CLTC: variants seen among roughly 807,000 people sequenced by gnomAD.
The protein encoded by CLTC is clathrin heavy chain 1.
In CLTC, 16 loss-of-function variants were observed where a neutral mutation model predicts 195.8. That is an observed-to-expected ratio of 0.08 (90% CI 0.06 to 0.12). CLTC has a LOEUF of 0.12. CLTC is among the 10% of genes least tolerant of loss of function. CLTC has a pLI of 1.00. For synonymous variants in CLTC, 667 were observed against 689.4 expected, an observed-to-expected ratio of 0.97 and a Z score of 0.51; for missense variants, 796 against 2,027.0, an observed-to-expected ratio of 0.39 and a Z score of 11.66.
intron 5 of CLTC, among the ~76,000 whole-genome samples, chr17:59,654,894 C>A (rs1482754417): frequency 6.6e-6 from 1 of 152,138 alleles, no homozygotes; most frequent in Non-Finnish European, 1.5e-5. Context: ...ATGGCAAGTA[C>A]CTAGAGTTTG....
Position 59,668,956 on chromosome 17 carries a change from T to A in CLTC, c.2292+16T>A. 1 of 1,598,744 alleles carries A rather than the reference T, an allele frequency of 6.3e-7. No homozygotes were observed. The highest frequency in any genetic ancestry group is 1.1e-5 in the South Asian group (1 of 88,806). On this transcript the variant is annotated intron_variant, in intron 14 of 31. Transcript: ENST00000269122. ...TTTTCTTAAGGTAAGTGGTTTTGAG[T>A]AATGTGTTTTCTGGTTGGATTCCAG... is the stretch of plus-strand genomic sequence containing the variant.
intron 30 of CLTC, chr17:59,690,368 T>A (rs2033270030): frequency 3.0e-6 from 1 of 331,854 alleles, no homozygotes; most frequent in African/African-American, 2.1e-5. Context: ...TCCCTCAGGC[T>A]GCATCCTAGC....
rs5821272 is a variant in CLTC at position 59,624,454 on chromosome 17, C to CTTTTTT, written c.42+4301_42+4306dup. Among the ~76,000 whole-genome samples, 62 of 98,132 alleles carry CTTTTTT rather than the reference C, an allele frequency of 6.3e-4. 1 individual carries two copies. In the East Asian group the frequency reaches 8.2e-3, roughly 13 times the overall value. The allele number at this position is 98,132 out of a possible 152,430, so 64.4% of individuals were successfully genotyped here. A position where few individuals can be genotyped will look rare whatever the true frequency, so the allele number is the denominator to read the frequency against. On this transcript the variant is annotated intron_variant, in intron 1 of 31. Transcript: ENST00000269122. ...ATAGAAAAATAATATGAGCCACATA[C>CTTTTTT]TTTTTTTTTTTTTTTTTTTTTTTTT...
At chr17:59,689,160 G>A (rs1380291467) in intron 30 of CLTC, 1 of 152,158 alleles carries the variant, frequency 6.6e-6, no homozygotes, top group East Asian at 1.9e-4. Context: ...ATCTTCCTAG[G>A]CTAGAAATTA....
chr17:59,694,523 T>C lies in CLTC; in HGVS notation c.*671T>C. 4.4e-6 allele frequency: 1 copy of C among 227,218 alleles called. No homozygotes were observed. Among genetic ancestry groups the C allele is most frequent in the East Asian group, 6.4e-5 (1 of 15,648 alleles). 14.1% of individuals were successfully genotyped at this position (227,218 alleles called of 1,614,324 possible). On this transcript the variant is annotated 3_prime_UTR_variant, in exon 32 of 32. Transcript: ENST00000269122. ...ACTTCATATGTAACAGGTGCCCTTA[T>C]GTTGTGCTGTATCCTGTGCTTTTTC...
Position 59,644,309 on chromosome 17 carries a change from G to A in CLTC, c.76G>A (p.Gly26Ser). Reference protein sequence around the residue: ...QNLGINPANIGFSTLTMESDK... With the variant: ...QNLGINPANISFSTLTMESDK... ...CCTGGGTATCAACCCAGCAAACATT[G>A]GCTTCAGTACCCTGACTATGGAGTC... The change falls in exon 2 of 32, where the codon GGC becomes AGC. Residue 26 changes from glycine (G) to serine (S), a missense_variant. Physicochemically the swap from Gly to Ser is moderately conservative, Grantham distance 56. Around this residue, in one of 9 missense-constraint regions of CLTC, gnomAD observed 24 missense variants for 29.8 expected, o/e 0.81. Coordinates refer to ENST00000269122, the MANE Select transcript of CLTC (RefSeq NM_004859.4). 6.2e-7 allele frequency: 1 copy of A among 1,613,952 alleles called. No individual in the cohort carries two copies. The highest frequency in any genetic ancestry group is 8.5e-7 in the Non-Finnish European group (1 of 1,179,992).
chr17:59,651,461 A>G (rs1283608115), intron 5 of CLTC, 145 bp downstream of exon 5: 7 of 641,386 alleles, frequency 1.1e-5, no homozygotes, highest in Non-Finnish European at 1.9e-5. Context: ...GTAAAATAAT[A>G]CCTTGGCTTT....
Position 59,681,263 on chromosome 17 carries a change from T to C in CLTC, c.3066-32T>C, listed in dbSNP as rs779703218. 9 of 1,576,172 alleles carry C rather than the reference T, an allele frequency of 5.7e-6. No individual in the cohort carries two copies. In the Admixed American group the frequency reaches 7.4e-5, roughly 13 times the overall value. ...TTTTATGTCGGATAAACTTAAAATATTGCATTTAAAATATTCTTTTTTTTC... is the reference window on the plus strand; with the variant it reads ...TTTTATGTCGGATAAACTTAAAATACTGCATTTAAAATATTCTTTTTTTTC... On this transcript the variant is annotated intron_variant, in intron 19 of 31. Coordinates refer to ENST00000269122, the MANE Select transcript of CLTC (RefSeq NM_004859.4). The surrounding 1 kb of genome is among the most constrained non-coding windows in gnomAD (Gnocchi z 5.0).
chr17:59,620,660 C>T (rs1395708417), intron 1 of CLTC, among the ~76,000 whole-genome samples: 2 of 151,584 alleles, frequency 1.3e-5, no homozygotes, highest in Non-Finnish European at 2.9e-5. Flanking sequence ...CTTTTTTTTC[C>T]CTCCCTCTGC....
chr17:59,674,630 A>G, intron 15 of CLTC, 71 bp from the exon 16 acceptor site: 1 of 1,382,844 alleles, frequency 7.2e-7, no homozygotes, highest in South Asian at 1.4e-5. Context: ...CGATAGAGAT[A>G]AATGCTTTTT....
At chr17:59,635,709 C>A (rs1032574621) in intron 1 of CLTC, among the ~76,000 whole-genome samples, 3 of 152,178 alleles carry the variant, frequency 2.0e-5, no homozygotes, top group African/African-American at 7.2e-5. Flanking sequence ...GGACCATGGC[C>A]TCTTTGGTCC....
intron 1 of CLTC, among the ~76,000 whole-genome samples, chr17:59,642,994 A>C (rs2032081370): frequency 6.6e-6 from 1 of 152,166 alleles, no homozygotes; most frequent in Non-Finnish European, 1.5e-5. Context: ...AATTTAAATA[A>C]AATACAGTTA....
chr17:59,680,247 A>G (rs1303912150), intron 18 of CLTC, among the ~76,000 whole-genome samples: 3 of 152,180 alleles, frequency 2.0e-5, no homozygotes, highest in Non-Finnish European at 4.4e-5. Flanking sequence ...AAGAGAAAAT[A>G]CAAAAGACCA....
chr17:59,690,661 C>T lies in CLTC; in HGVS notation c.4853C>T (p.Ser1618Leu), dbSNP rs1198262566. 1 of 1,612,868 alleles carries T rather than the reference C, an allele frequency of 6.2e-7. No individual in the cohort carries two copies. The highest frequency in any genetic ancestry group is 1.3e-5 in the African/African-American group (1 of 74,868). The change falls in exon 31 of 32, where the codon TCA (serine) becomes TTA (leucine). Residue 1618 changes from serine (S) to leucine (L), a missense_variant. This residue lies in a region of CLTC where 148 missense variants were observed against 279.5 expected (regional missense o/e 0.53). Coordinates refer to ENST00000269122, the MANE Select transcript of CLTC (RefSeq NM_004859.4). The part of the protein sequence containing the change: ...TKVDKLDASE[S>L]LRKEEEQATE... The stretch of plus-strand genomic sequence containing the variant: ...GTGGATAAATTAGATGCTTCAGAAT[C>T]ACTGAGAAAAGAAGAAGAACAAGCT...
At chr17:59,659,760 C>T (rs527303908) in intron 6 of CLTC, among the ~76,000 whole-genome samples, 45 of 151,976 alleles carry the variant, frequency 3.0e-4, no homozygotes, top group Non-Finnish European at 5.7e-4. Context: ...TTTTTTCAAG[C>T]ACCTACCATG....
chr17:59,659,355 T>G (rs1414962543), intron 6 of CLTC, among the ~76,000 whole-genome samples: 1 of 152,072 alleles, frequency 6.6e-6, no homozygotes, highest in African/African-American at 2.4e-5. Context: ...TCTGTGGCAT[T>G]GAGAGGTTTG....
In CLTC at chr17:59,683,267, C is replaced by T. The variant is rs1001823972; in HGVS notation, c.4041+5C>T. The T allele has an allele frequency of 2.5e-6, 4 of 1,613,202 alleles. No individual in the cohort carries two copies. In the African/African-American group the frequency reaches 5.3e-5, roughly 22 times the overall value. ...TCTAGAGTGAATATTCCCAAGGTAA[C>T]CAGTCATTGTAACACAGTGAAGCAA... On this transcript the variant is annotated splice_donor_5th_base_variant and intron_variant, in intron 25 of 31. Transcript: ENST00000269122. This position sits in a 1 kb window ranked among gnomAD's most constrained non-coding sequence, Gnocchi z 6.1.
At chr17:59,631,242 G>T (rs1318068934) in intron 1 of CLTC, among the ~76,000 whole-genome samples, 3 of 152,138 alleles carry the variant, frequency 2.0e-5, no homozygotes, top group Non-Finnish European at 4.4e-5. Flanking sequence ...ACCCCTACAT[G>T]TATCTGTGCT....
chr17:59,688,876 A>G (rs2033238727), intron 30 of CLTC, among the ~76,000 whole-genome samples: 1 of 152,166 alleles, frequency 6.6e-6, no homozygotes, highest in South Asian at 2.1e-4. Flanking sequence ...AGAAGTTACT[A>G]ATATACAGGC....
Sources: gnomAD v4.1 joint callset for allele counts (sites outside exome capture counted in the v4.1 genomes callset) on GRCh38, gnomAD v4.1.1 for gene constraint, gnomAD v4.1.1 regional missense constraint, Gnocchi (gnomAD v3.1) non-coding constraint, MANE v1.5 for transcripts, NCBI Gene and HGNC (gene_info 2026-07-23, HGNC 2026-07-21) for gene names.